The following PHACTR1 variants were observed in gnomAD, a reference collection of about 807,000 sequenced individuals.
PHACTR1 encodes the protein RPEL repeat containing 1.
PHACTR1 carries 16 observed loss-of-function variants against 69.2 expected under a neutral mutation model. The ratio of observed to expected loss-of-function variants is 0.23; its 90% confidence interval spans 0.16 to 0.35. The LOEUF is 0.35. PHACTR1 is among the 10% of genes least tolerant of loss of function. The pLI, the probability that PHACTR1 is intolerant of heterozygous loss-of-function variation, is 1.00. For synonymous variants in PHACTR1, 312 were observed against 284.5 expected, an observed-to-expected ratio of 1.10 and a Z score of -0.97; for missense variants, 510 against 734.7, an observed-to-expected ratio of 0.69 and a Z score of 3.54.
intron 10 of PHACTR1, among the ~76,000 whole-genome samples, chr6:13,250,089 C>T (rs888810313): frequency 1.1e-4 from 16 of 152,154 alleles, no homozygotes; most frequent in African/African-American, 3.4e-4. Flanking sequence ...GCTTACACAC[C>T]ATAATGGCAG....
At chr6:12,881,777 G>A (rs912403135) in intron 4 of PHACTR1, among the ~76,000 whole-genome samples, 1 of 152,124 alleles carries the variant, frequency 6.6e-6, no homozygotes, top group African/African-American at 2.4e-5. Flanking sequence ...ATTAAACTCA[G>A]TAAATAGACA....
chr6:13,088,837 A>G (rs951667907), intron 5 of PHACTR1, among the ~76,000 whole-genome samples: 3 of 152,190 alleles, frequency 2.0e-5, no homozygotes, highest in Non-Finnish European at 4.4e-5. Flanking sequence ...TGCAATGCAC[A>G]TGGAAATATT....
At chr6:13,065,740 A>C (rs952302130) in intron 5 of PHACTR1, among the ~76,000 whole-genome samples, 5 of 152,326 alleles carry the variant, frequency 3.3e-5, no homozygotes, top group Non-Finnish European at 7.3e-5. Context: ...AAACATCAGC[A>C]AAGTGACTGT....
intron 4 of PHACTR1, among the ~76,000 whole-genome samples, chr6:12,859,199 G>A (rs1780696710): frequency 6.6e-6 from 1 of 152,174 alleles, no homozygotes; most frequent in Admixed American, 6.5e-5. Context: ...GTAAGCCAAT[G>A]AAAATAATGG....
At chr6:12,955,860 G>T (rs9918386) in intron 4 of PHACTR1, among the ~76,000 whole-genome samples, 2,093 of 152,176 alleles carry the variant, frequency 0.014, 38 homozygotes, top group African/African-American at 0.047. Context: ...TCTAACTCCC[G>T]CCTATGACAC....
rs74565314 is a variant in PHACTR1 at position 12,752,835 on chromosome 6, T to C, written c.250+3045T>C. ...AGAATAGCACCAAAATGTGGGTCTT[T>C]CATCAATGTATGAAGATGCTAATTT... On this transcript the variant is annotated intron_variant, in intron 4 of 14. Coordinates refer to ENST00000332995, the MANE Select transcript of PHACTR1 (RefSeq NM_030948.6). Among the ~76,000 whole-genome samples the C allele has an allele frequency of 3.7e-4, 56 of 152,366 alleles. 1 individual carries two copies. The East Asian group carries it at 0.01, about 28-fold the overall frequency.
At position 13,228,048 on chromosome 6, in the gene PHACTR1, A is replaced by C. The variant is rs923587856; in HGVS notation, c.1219A>C (p.Ser407Arg). The C allele has an allele frequency of 6.8e-6, 11 of 1,612,270 alleles. No individual in the cohort carries two copies. Among genetic ancestry groups the C allele is most frequent in the Non-Finnish European group, 8.5e-6 (10 of 1,179,842 alleles). Residue 407 changes from serine to arginine, a missense_variant, in exon 9 of 15, where the codon AGC becomes CGC. Around this residue, in one of 2 missense-constraint regions of PHACTR1, gnomAD observed 419 missense variants for 530.9 expected, o/e 0.79. Coordinates refer to ENST00000332995, the MANE Select transcript of PHACTR1 (RefSeq NM_030948.6). ...AGAGGAGGAGGACGAAGACGACGAC[A>C]GCTCATTATACACCAGTGCGTTCAT... is the stretch of plus-strand genomic sequence containing the variant. The part of the protein sequence containing the change: ...EEEEEDEDDD[S>R]SLYTSSLAMK...
chr6:13,146,446 T>C (rs1230970882), intron 5 of PHACTR1, among the ~76,000 whole-genome samples: 1 of 152,244 alleles, frequency 6.6e-6, no homozygotes, highest in African/African-American at 2.4e-5. Flanking sequence ...ACTGCTGTCT[T>C]TCTCTGTCTG....
chr6:12,920,081 A>G (rs1787471165), intron 4 of PHACTR1, among the ~76,000 whole-genome samples: 1 of 152,252 alleles, frequency 6.6e-6, no homozygotes, highest in Non-Finnish European at 1.5e-5. Flanking sequence ...TGCCTGAAAT[A>G]CATTATTTGC....
intron 6 of PHACTR1, among the ~76,000 whole-genome samples, chr6:13,162,388 A>G (rs1392174713): frequency 6.6e-6 from 1 of 151,128 alleles, no homozygotes; most frequent in East Asian, 2.0e-4. Flanking sequence ...CCGCCTCCCA[A>G]AGTGCTGGGA....
chr6:12,897,682 A>T (rs1394676587), intron 4 of PHACTR1, among the ~76,000 whole-genome samples: 3 of 143,722 alleles, frequency 2.1e-5, no homozygotes, highest in African/African-American at 7.7e-5. Context: ...AACATGCAAC[A>T]AGCACTTTGT....
At chr6:12,855,809 T>C (rs1780292304) in intron 4 of PHACTR1, among the ~76,000 whole-genome samples, 1 of 152,094 alleles carries the variant, frequency 6.6e-6, no homozygotes, top group Non-Finnish European at 1.5e-5. Context: ...ATGGAAAGTT[T>C]AAAAAAATTA....
chr6:12,799,877 T>A (rs1405721060), intron 4 of PHACTR1, among the ~76,000 whole-genome samples: 2 of 152,246 alleles, frequency 1.3e-5, no homozygotes, highest in Admixed American at 6.5e-5. Flanking sequence ...GACGCTGGTA[T>A]AACCCAGAAC....
At chr6:13,190,391 G>A (rs1276666706) in intron 7 of PHACTR1, among the ~76,000 whole-genome samples, 1 of 151,798 alleles carries the variant, frequency 6.6e-6, no homozygotes, top group African/African-American at 2.4e-5. Context: ...CATCTTCATT[G>A]CCTCATTTGA....
Position 12,801,865 on chromosome 6 carries a change from C to G in PHACTR1, c.250+52075C>G, listed in dbSNP as rs537886252. Among the ~76,000 whole-genome samples, 31 of 152,196 alleles carry G rather than the reference C, an allele frequency of 2.0e-4. No individual in the cohort carries two copies. In the South Asian group the frequency reaches 4.2e-3, roughly 20 times the overall value. Reference sequence around the variant, plus strand: ...TTGAGGTCCTCTTGCAACATTTCAGCTAATGCCTTTACTCATAGGAATCAG... The same window carrying G: ...TTGAGGTCCTCTTGCAACATTTCAGGTAATGCCTTTACTCATAGGAATCAG... On this transcript the variant is annotated intron_variant, in intron 4 of 14. Transcript: ENST00000332995.
intron 7 of PHACTR1, among the ~76,000 whole-genome samples, chr6:13,197,559 T>C (rs1206805355): frequency 1.3e-5 from 2 of 152,222 alleles, no homozygotes; most frequent in South Asian, 4.1e-4. Flanking sequence ...TTATTATTAT[T>C]ATTATACCTT....
chr6:12,719,005 T>C (rs1581395922), intron 3 of PHACTR1, among the ~76,000 whole-genome samples, 158 bp downstream of exon 3: 1 of 152,230 alleles, frequency 6.6e-6, no homozygotes, highest in Non-Finnish European at 1.5e-5. Flanking sequence ...TTGAGGCAGG[T>C]ATATAATAGA....
At chr6:12,730,401 T>C (rs1347564795) in intron 3 of PHACTR1, among the ~76,000 whole-genome samples, 2 of 152,122 alleles carry the variant, frequency 1.3e-5, no homozygotes, top group Admixed American at 6.6e-5. Flanking sequence ...TTATTGCAAA[T>C]TCTGGCTTGT....
At chr6:13,135,936 A>G (rs1315740865) in intron 5 of PHACTR1, among the ~76,000 whole-genome samples, 1 of 152,184 alleles carries the variant, frequency 6.6e-6, no homozygotes, top group Non-Finnish European at 1.5e-5. Flanking sequence ...GTCCATAAGC[A>G]AATAGTGGAG....
Sources: allele counts gnomAD v4.1 joint callset (sites outside exome capture counted in the v4.1 genomes callset), GRCh38; gene constraint gnomAD v4.1.1; regional missense constraint gnomAD v4.1.1; transcripts MANE v1.5; gene names NCBI Gene and HGNC (gene_info 2026-07-23, HGNC 2026-07-21).